The following NLRP14 variants were observed in gnomAD, a reference collection of about 807,000 sequenced individuals.
NLRP14 encodes NACHT, LRR and PYD domains-containing protein 14.
Under a neutral mutation model 94.7 loss-of-function variants are expected in NLRP14, and 105 were observed. The observed-to-expected ratio is 1.11, with a 90% CI of 0.95 to 1.30. The LOEUF (loss-of-function observed/expected upper bound fraction) is 1.30, where lower values mean the gene tolerates loss of function less well. Among genes scored for constraint, NLRP14 ranks in the 50% most tolerant of loss-of-function variants. NLRP14 has a pLI of 0.00. For missense variants in NLRP14, 1,362 were observed against 1,254.1 expected (o/e 1.09, Z -1.30); for synonymous variants, 508 against 459.9 (o/e 1.10, Z -1.34).
rs191925618 is a variant in NLRP14 at position 7,049,815 on chromosome 11, A to G, written c.2268A>G (p.Pro756=). 5.1e-5 allele frequency: 82 copies of G among 1,612,908 alleles called. No individual in the cohort carries two copies. Among genetic ancestry groups the G allele is most frequent in the Admixed American group, 6.7e-5 (4 of 60,020 alleles). The change falls in exon 6 of 12, where the codon CCA becomes CCG. Residue 756 remains proline (P), a synonymous_variant. Transcript: ENST00000299481. ...VKSLCEALKH[P]ECKLQTLRLE... ...CATTGTGTGAGGCCTTGAAACACCC[A>G]GAGTGTAAACTACAGACTCTCAGGT... is the stretch of plus-strand genomic sequence containing the variant.
chr11:7,078,165 G>A, the NLRP14 span, among the ~76,000 whole-genome samples: 6 of 152,096 alleles, frequency 3.9e-5, no homozygotes, highest in African/African-American at 7.2e-5. Flanking sequence ...TAGGCTGGGT[G>A]CGGTGGCTCA....
intron 1 of NLRP14, among the ~76,000 whole-genome samples, chr11:7,028,295 T>A (rs375651578): frequency 3.8e-4 from 58 of 152,304 alleles, no homozygotes; most frequent in African/African-American, 1.4e-3. Flanking sequence ...TATCTTAGAT[T>A]TGCCTTTGAC....
At position 7,043,536 on chromosome 11, in the gene NLRP14, T is replaced by C; in HGVS notation, c.1510T>C (p.Ser504Pro). The C allele has an allele frequency of 6.2e-7, 1 of 1,614,180 alleles. No individual in the cohort carries two copies. The highest frequency in any genetic ancestry group is 8.5e-7 in the Non-Finnish European group (1 of 1,180,018). Residue 504 changes from serine to proline, a missense_variant, in exon 4 of 12, where the codon TCC (serine) becomes CCC (proline). Coordinates refer to ENST00000299481, the MANE Select transcript of NLRP14 (RefSeq NM_176822.4). ...AGGCAGTTGGGAAGCTGGGAACCCT[T>C]CCTGCCAGCCTTTTGAAGATTTGAA... ...LKGSWEAGNP[S>P]CQPFEDLKSL... is the part of the protein sequence containing the mutation.
the NLRP14 span, among the ~76,000 whole-genome samples, chr11:7,076,632 C>G: frequency 6.6e-6 from 1 of 152,030 alleles, no homozygotes; most frequent in African/African-American, 2.4e-5. Context: ...GTTGAGCACT[C>G]TATCTTATAT....
chr11:7,057,135 C>G (rs980650419), intron 6 of NLRP14, among the ~76,000 whole-genome samples: 9 of 152,074 alleles, frequency 5.9e-5, no homozygotes, highest in African/African-American at 2.2e-4. Context: ...AGTCTCTCTA[C>G]ATGTACTTTT....
In NLRP14 at chr11:7,042,625, G is replaced by C; in HGVS notation, c.599G>C (p.Trp200Ser). The change falls in exon 4 of 12, where the codon TGG becomes TCG. Residue 200 changes from tryptophan to serine, a missense_variant. Coordinates refer to ENST00000299481, the MANE Select transcript of NLRP14 (RefSeq NM_176822.4). ...TTGGTGAGAAAGGCAATGTTAGATT[G>C]GGCAGAGGGCAGTCTCTACCAGCAG... ...TTLVRKAMLD[W>S]AEGSLYQQRF... The C allele has an allele frequency of 6.2e-7, 1 of 1,614,200 alleles. No individual in the cohort carries two copies. Among genetic ancestry groups the C allele is most frequent in the Non-Finnish European group, 8.5e-7 (1 of 1,180,032 alleles).
At chr11:7,039,513 C>T (rs563653095) in intron 2 of NLRP14, among the ~76,000 whole-genome samples, 1 of 152,228 alleles carries the variant, frequency 6.6e-6, no homozygotes, top group African/African-American at 2.4e-5. Flanking sequence ...AAGAGGTCTC[C>T]TACTTCAGTG....
intron 1 of NLRP14, among the ~76,000 whole-genome samples, chr11:7,031,540 C>T (rs1852095180): frequency 6.6e-6 from 1 of 152,176 alleles, no homozygotes; most frequent in Admixed American, 6.5e-5. Flanking sequence ...GAATGCCTGC[C>T]AACTGTGCTT....
intron 1 of NLRP14, among the ~76,000 whole-genome samples, chr11:7,025,833 A>T (rs1045734227): frequency 1.4e-4 from 22 of 152,324 alleles, no homozygotes; most frequent in Admixed American, 2.6e-4. Flanking sequence ...CATAAATTTG[A>T]GTACTTGATT....
At chr11:7,044,181 T>G (rs952180906) in intron 4 of NLRP14, among the ~76,000 whole-genome samples, 197 bp downstream of exon 4, 2 of 152,150 alleles carry the variant, frequency 1.3e-5, no homozygotes, top group Non-Finnish European at 2.9e-5. Flanking sequence ...GGGCAAAAAC[T>G]TTCCTGAGAT....
At chr11:7,032,513 A>T (rs751564809) in intron 1 of NLRP14, among the ~76,000 whole-genome samples, 2 of 152,210 alleles carry the variant, frequency 1.3e-5, no homozygotes, top group Non-Finnish European at 1.5e-5. Context: ...TAAAATTCTC[A>T]GTAGACATGC....
At chr11:7,035,166 A>G (rs980811370) in intron 1 of NLRP14, among the ~76,000 whole-genome samples, 18 of 152,058 alleles carry the variant, frequency 1.2e-4, no homozygotes, top group African/African-American at 4.3e-4. Flanking sequence ...AAATAAATAA[A>G]TAAAATTAGC....
rs1256502522 is a variant in NLRP14, at chr11:7,057,666, T to C, written c.2292-11T>C. Reference sequence around the variant, plus strand: ...GAGTGGTCATTCCTGCTTTTCTGTGTTGTTTTCCAGGCTGGAATCTTGCAA... The same window carrying C: ...GAGTGGTCATTCCTGCTTTTCTGTGCTGTTTTCCAGGCTGGAATCTTGCAA... On this transcript the variant is annotated splice_polypyrimidine_tract_variant and intron_variant, in intron 6 of 11. Coordinates refer to ENST00000299481, the MANE Select transcript of NLRP14 (RefSeq NM_176822.4). 6.2e-7 allele frequency: 1 copy of C among 1,611,336 alleles called. No homozygotes were observed. The highest frequency in any genetic ancestry group is 1.3e-5 in the African/African-American group (1 of 74,960).
intron 1 of NLRP14, among the ~76,000 whole-genome samples, chr11:7,021,711 C>T (rs1851941052): frequency 6.6e-6 from 1 of 151,864 alleles, no homozygotes; most frequent in Non-Finnish European, 1.5e-5. Flanking sequence ...CCTATGTATA[C>T]ATGTGCCATG....
At chr11:7,050,789 T>C (rs1552722) in intron 6 of NLRP14, among the ~76,000 whole-genome samples, 86,931 of 152,056 alleles carry the variant, frequency 0.57, 25,909 homozygotes, top group East Asian at 0.86. Flanking sequence ...TTGAGTTCAG[T>C]TGTTAGGAGG....
intron 10 of NLRP14, among the ~76,000 whole-genome samples, chr11:7,068,723 C>G (rs1443770030): frequency 6.6e-6 from 1 of 152,156 alleles, no homozygotes; most frequent in Admixed American, 6.5e-5. Context: ...GTGATGTGAT[C>G]ATAGCTCACT....
At chr11:7,079,961 T>C in the NLRP14 span, among the ~76,000 whole-genome samples, 1 of 152,024 alleles carries the variant, frequency 6.6e-6, no homozygotes, top group East Asian at 1.9e-4. Context: ...GAGGGGTAAT[T>C]GACAGCATGG....
chr11:7,049,895 C>A, intron 6 of NLRP14, 57 bp downstream of exon 6: 4 of 1,404,372 alleles, frequency 2.8e-6, no homozygotes, highest in Non-Finnish European at 4.0e-6. Flanking sequence ...TTTTGTCTAT[C>A]CAAGTAGACT....
intron 10 of NLRP14, among the ~76,000 whole-genome samples, chr11:7,068,548 GT>G (rs1852742710): frequency 1.3e-5 from 2 of 152,220 alleles, no homozygotes; most frequent in East Asian, 3.9e-4. Context: ...CTGTAGAATT[GT>G]TGTCTGAGAA....
Sources: gnomAD v4.1 joint callset for allele counts (sites outside exome capture counted in the v4.1 genomes callset) on GRCh38, gnomAD v4.1.1 for gene constraint, MANE v1.5 for transcripts, NCBI Gene and HGNC (gene_info 2026-07-23, HGNC 2026-07-21) for gene names.